Variants in SLC27A6 observed in about 807,000 individuals in gnomAD.
SLC27A6 encodes the protein solute carrier family 27 member 6.
A neutral mutation model predicts 63.9 loss-of-function variants in SLC27A6; 74 were observed. That is an observed-to-expected ratio of 1.16 (90% CI 0.96 to 1.40). SLC27A6 has a LOEUF of 1.40. SLC27A6 is among the 40% of genes most tolerant of loss of function. The probability of loss-of-function intolerance (pLI) is 0.00; values close to 1 mark genes in which losing one functional copy is unlikely to be tolerated. For missense variants in SLC27A6, 794 were observed against 732.9 expected (o/e 1.08, Z -0.96); for synonymous variants, 287 against 260.8 (o/e 1.10, Z -0.97).
intron 5 of SLC27A6, among the ~76,000 whole-genome samples, chr5:129,021,929 G>T (rs1752087762): frequency 6.6e-6 from 1 of 152,088 alleles, no homozygotes; most frequent in Non-Finnish European, 1.5e-5. Flanking sequence ...TAATCTAAAA[G>T]AAATAACACT....
chr5:128,997,734 C>T (rs1252594883), intron 4 of SLC27A6, among the ~76,000 whole-genome samples: 2 of 152,124 alleles, frequency 1.3e-5, no homozygotes, highest in South Asian at 2.1e-4. Flanking sequence ...TAAAATTTCC[C>T]AAGAAATTTA....
intron 9 of SLC27A6, among the ~76,000 whole-genome samples, chr5:129,030,244 A>G (rs1752372631): frequency 2.6e-5 from 4 of 152,064 alleles, no homozygotes; most frequent in Non-Finnish European, 1.5e-5. Context: ...TGGTATAAGT[A>G]CAGTAAAAAG....
rs757861120 is a variant in SLC27A6, at chr5:129,027,312, C to T, written c.1435C>T (p.Arg479Cys). 5.0e-6 allele frequency: 8 copies of T among 1,611,266 alleles called. No individual in the cohort carries two copies. The highest frequency in any genetic ancestry group is 2.2e-5 in the East Asian group (1 of 44,832). Residue 479 changes from arginine (R) to cysteine (C), a missense_variant, in exon 7 of 10, where the codon CGT becomes TGT. Arg to Cys is a radical substitution (Grantham distance 180, BLOSUM62 -3). Coordinates refer to ENST00000262462, the MANE Select transcript of SLC27A6 (RefSeq NM_001017372.3). Reference sequence around the variant, plus strand: ...GGACAATTTCCTTTATTTTTGGGACCGTACTGGAGACACTTTCAGGTATGA... The same window carrying T: ...GGACAATTTCCTTTATTTTTGGGACTGTACTGGAGACACTTTCAGGTATGA... ...DQDNFLYFWD[R>C]TGDTFRWKGE... is the part of the protein sequence containing the mutation.
intron 4 of SLC27A6, among the ~76,000 whole-genome samples, chr5:129,011,757 G>A (rs929840160): frequency 6.6e-6 from 1 of 152,036 alleles, no homozygotes; most frequent in African/African-American, 2.4e-5. Flanking sequence ...TCATTTAAGG[G>A]GCTACTGATA....
At chr5:128,998,313 T>C (rs1049442414) in intron 4 of SLC27A6, among the ~76,000 whole-genome samples, 23 of 151,824 alleles carry the variant, frequency 1.5e-4, no homozygotes, top group African/African-American at 5.1e-4. Flanking sequence ...AAAAGTAATA[T>C]TTTACATGAA....
intron 4 of SLC27A6, among the ~76,000 whole-genome samples, chr5:129,001,309 C>T (rs1190859245): frequency 6.6e-6 from 1 of 152,164 alleles, no homozygotes; most frequent in Non-Finnish European, 1.5e-5. Context: ...TTTTTCTGCC[C>T]CAGTTCTCCG....
intron 1 of SLC27A6, among the ~76,000 whole-genome samples, chr5:128,974,990 C>A (rs1221876685): frequency 1.3e-5 from 2 of 152,226 alleles, no homozygotes; most frequent in African/African-American, 2.4e-5. Context: ...GCAGCTACAA[C>A]CTTATTTGAT....
intron 4 of SLC27A6, among the ~76,000 whole-genome samples, chr5:129,006,277 A>C (rs1238087788): frequency 6.6e-6 from 1 of 151,088 alleles, no homozygotes; most frequent in Non-Finnish European, 1.5e-5. Context: ...TTTTTAGTAG[A>C]GACGGGGTTT....
At chr5:128,988,981 G>A (rs987039071) in intron 3 of SLC27A6, among the ~76,000 whole-genome samples, 6 of 152,110 alleles carry the variant, frequency 3.9e-5, no homozygotes, top group Admixed American at 1.3e-4. Context: ...CCATGTGGTC[G>A]GAGCTGGCTA....
Position 128,988,906 on chromosome 5 carries a change from T to G in SLC27A6, c.844+148T>G, listed in dbSNP as rs538254544. ...AACACAATATTTATTTTAAAAAAAC[T>G]ACACAATTTTATGGCATATTCAGTG... On this transcript the variant is annotated intron_variant, in intron 3 of 9. Coordinates refer to ENST00000262462, the MANE Select transcript of SLC27A6 (RefSeq NM_001017372.3). The G allele has an allele frequency of 2.1e-4, 129 of 601,430 alleles. 3 individuals are homozygous for G. The South Asian group carries it at 3.5e-3, about 16-fold the overall frequency. The allele number at this position is 601,430 out of a possible 1,614,324, so 37.3% of individuals were successfully genotyped here.
chr5:128,966,675 CCT>C (rs147696009), intron 1 of SLC27A6, 57 bp downstream of exon 1: 375,736 of 1,367,662 alleles, frequency 0.27, 51,192 homozygotes, highest in Middle Eastern at 0.36. Context: ...GCTTTCATAC[CCT>C]TTTTTTTTTC....
intron 4 of SLC27A6, among the ~76,000 whole-genome samples, chr5:129,003,862 G>C (rs1275300564): frequency 6.6e-6 from 1 of 151,426 alleles, no homozygotes; most frequent in South Asian, 2.1e-4. Context: ...CAGCTACTTG[G>C]GAAGGTGAGG....
At chr5:128,993,573 G>A (rs1020968829) in intron 4 of SLC27A6, among the ~76,000 whole-genome samples, 1 of 151,742 alleles carries the variant, frequency 6.6e-6, no homozygotes, top group South Asian at 2.1e-4. Flanking sequence ...TTATTTGTCT[G>A]GTACATAATG....
chr5:128,999,206 GC>G (rs1478919257), intron 4 of SLC27A6, among the ~76,000 whole-genome samples: 1 of 152,122 alleles, frequency 6.6e-6, no homozygotes, highest in Non-Finnish European at 1.5e-5. Flanking sequence ...TCTGGAAGAA[GC>G]TTCACAAGAT....
chr5:129,015,898 A>G lies in SLC27A6; in HGVS notation c.983A>G (p.Lys328Arg), dbSNP rs1751874297. 1.9e-6 allele frequency: 3 copies of G among 1,583,288 alleles called. No homozygotes were observed. The highest frequency in any genetic ancestry group is 2.7e-5 in the African/African-American group (2 of 72,822). ...LCKQSKREGE[K>R]DHKVRLAIGN... ...TTCTTCTAACAGAGAGAAGGAGAAA[A>G]GGATCATAAGGTGCGTTTGGCAATT... The change falls in exon 5 of 10, where the codon AAG becomes AGG. Residue 328 changes from lysine to arginine, a missense_variant. By Grantham distance (26) the Lys-to-Arg change is conservative. Coordinates refer to ENST00000262462, the MANE Select transcript of SLC27A6 (RefSeq NM_001017372.3).
intron 8 of SLC27A6, among the ~76,000 whole-genome samples, chr5:129,028,816 A>G (rs1333350070): frequency 2.0e-5 from 3 of 152,028 alleles, no homozygotes; most frequent in Non-Finnish European, 4.4e-5. Flanking sequence ...GTTTAAAAAT[A>G]CTGACTTTTA....
chr5:129,002,584 T>A (rs1318790488), intron 4 of SLC27A6, among the ~76,000 whole-genome samples: 2 of 151,202 alleles, frequency 1.3e-5, no homozygotes, highest in Non-Finnish European at 1.5e-5. Context: ...GTTCCTTCCT[T>A]CCATAAATGT....
intron 4 of SLC27A6, among the ~76,000 whole-genome samples, chr5:128,999,045 C>T (rs1361882331): frequency 1.3e-5 from 2 of 152,040 alleles, no homozygotes; most frequent in Non-Finnish European, 2.9e-5. Context: ...TAAGCCTAAC[C>T]AACAACCATG....
intron 1 of SLC27A6, among the ~76,000 whole-genome samples, chr5:128,972,672 C>T (rs1471438001): frequency 6.6e-6 from 1 of 152,146 alleles, no homozygotes; most frequent in Non-Finnish European, 1.5e-5. Flanking sequence ...TTCATCTAAT[C>T]TTTTTTCAAG....
Sources: allele counts gnomAD v4.1 joint callset (sites outside exome capture counted in the v4.1 genomes callset), GRCh38; gene constraint gnomAD v4.1.1; transcripts MANE v1.5; gene names NCBI Gene and HGNC (gene_info 2026-07-23, HGNC 2026-07-21).